LRP2: variants seen among roughly 807,000 people sequenced by gnomAD.
LRP2 encodes LDL receptor related protein 2.
Under a neutral mutation model 531.0 loss-of-function variants are expected in LRP2, and 172 were observed. The observed-to-expected ratio is 0.32, with a 90% CI of 0.29 to 0.37. The LOEUF is 0.37. Among genes scored for constraint, LRP2 ranks in the 10% least tolerant of loss-of-function variants. LRP2 has a pLI of 1.00. For synonymous variants in LRP2, 1,992 were observed against 2,027.6 expected (o/e 0.98, Z 0.47); for missense variants, 5,167 against 5,868.3 (o/e 0.88, Z 3.90).
At chr2:169,280,661 G>A in intron 10 of LRP2, 142 bp from the exon 11 acceptor site, 1 of 855,640 alleles carries the variant, frequency 1.2e-6, no homozygotes, top group Non-Finnish European at 1.9e-6. Context: ...CTCTGAGGCA[G>A]ACAGATAGCT....
In LRP2 at chr2:169,177,927, T is replaced by C; in HGVS notation, c.10269A>G (p.Thr3423=). The change falls in exon 53 of 79, where the codon ACA becomes ACG. Residue 3423 remains threonine (T), a synonymous_variant. Transcript: ENST00000649046. ...ITIFEDTIYW[T]DWNTRTVEKG... ...TTTCCACTGTCCTTGTATTCCAATC[T>C]GTCCAATAAATAGTGTCTTCAAAAA... 2.5e-6 allele frequency: 4 copies of C among 1,614,228 alleles called. No individual in the cohort carries two copies. The highest frequency in any genetic ancestry group is 3.4e-6 in the Non-Finnish European group (4 of 1,180,030).
chr2:169,131,254 A>AGTGTGTGT lies in LRP2; in HGVS notation c.13728+1312_13728+1319dup, dbSNP rs3835382. Among the ~76,000 whole-genome samples the AGTGTGTGT allele has an allele frequency of 8.7e-3, 1,296 of 148,638 alleles. 8 individuals are homozygous for AGTGTGTGT. The highest frequency in any genetic ancestry group is 0.015 in the Non-Finnish European group (1,016 of 66,984). On this transcript the variant is annotated intron_variant, in intron 77 of 78. Transcript: ENST00000649046. ...ATTTATGTATGTCTGTGAGTGTATGAGTGTGTGTGTGTGTGTGTGTGTGTG... is the reference window on the plus strand; with the variant it reads ...ATTTATGTATGTCTGTGAGTGTATGAGTGTGTGTGTGTGTGTGTGTGTGTGTGTGTGTG...
At chr2:169,164,788 A>G (rs1189086704) in intron 62 of LRP2, among the ~76,000 whole-genome samples, 1 of 152,210 alleles carries the variant, frequency 6.6e-6, no homozygotes, top group Non-Finnish European at 1.5e-5. Flanking sequence ...CTGTTCCTTG[A>G]AAAGAATAGA....
chr2:169,225,559 T>C, intron 32 of LRP2, 106 bp from the exon 33 acceptor site: 1 of 1,309,734 alleles, frequency 7.6e-7, no homozygotes, highest in Non-Finnish European at 1.1e-6. Context: ...TCTTGAACAG[T>C]CCTTACACTC....
At chr2:169,256,693 C>T (rs1690317548) in intron 18 of LRP2, among the ~76,000 whole-genome samples, 1 of 151,924 alleles carries the variant, frequency 6.6e-6, no homozygotes, top group South Asian at 2.1e-4. Flanking sequence ...TAAAGTCCTC[C>T]CAAAGTGCAT....
At chr2:169,326,944 C>T (rs1306627996) in intron 1 of LRP2, among the ~76,000 whole-genome samples, 5 of 151,120 alleles carry the variant, frequency 3.3e-5, no homozygotes, top group East Asian at 2.0e-4. Context: ...TCTGCCCAGC[C>T]GCCCCGTCTG....
intron 9 of LRP2, among the ~76,000 whole-genome samples, chr2:169,285,699 C>G (rs916050050): frequency 2.6e-5 from 4 of 152,120 alleles, no homozygotes; most frequent in Admixed American, 2.6e-4. Context: ...CACTCTGCAC[C>G]ACGATGTCAT....
intron 3 of LRP2, among the ~76,000 whole-genome samples, chr2:169,313,655 G>A (rs1439683789): frequency 6.6e-6 from 1 of 152,174 alleles, no homozygotes; most frequent in Non-Finnish European, 1.5e-5. Flanking sequence ...CTACTCGGGG[G>A]TCAGGGACCC....
intron 66 of LRP2, among the ~76,000 whole-genome samples, chr2:169,153,566 A>C (rs1406618438): frequency 6.6e-6 from 1 of 152,250 alleles, no homozygotes; most frequent in Non-Finnish European, 1.5e-5. Context: ...AGTTATTGAT[A>C]GTTTTCAAAG....
chr2:169,184,905 C>T (rs764201559), intron 50 of LRP2, among the ~76,000 whole-genome samples: 46 of 152,086 alleles, frequency 3.0e-4, no homozygotes, highest in Admixed American at 1.5e-3. Context: ...GGACTACAGA[C>T]GAACACCACC....
intron 60 of LRP2, among the ~76,000 whole-genome samples, chr2:169,168,894 G>C (rs114777048): frequency 3.3e-5 from 5 of 152,280 alleles, no homozygotes; most frequent in Non-Finnish European, 5.9e-5. Context: ...ATCATCCATG[G>C]CATGGACAGC....
intron 63 of LRP2, among the ~76,000 whole-genome samples, chr2:169,158,080 A>G (rs2105364406): frequency 6.6e-6 from 1 of 151,306 alleles, no homozygotes; most frequent in Admixed American, 6.6e-5. Flanking sequence ...ACACACACAC[A>G]CACACACACA....
chr2:169,175,116 G>A, intron 55 of LRP2, 77 bp downstream of exon 55: 3 of 1,446,088 alleles, frequency 2.1e-6, no homozygotes, highest in Non-Finnish European at 1.9e-6. Context: ...ATGATATTCA[G>A]GAAATACCCA....
chr2:169,158,216 G>A (rs1332822823), intron 63 of LRP2, among the ~76,000 whole-genome samples: 1 of 151,920 alleles, frequency 6.6e-6, no homozygotes, highest in Non-Finnish European at 1.5e-5. Context: ...TTTGTACTAT[G>A]TATGTATGCA....
Position 169,233,529 on chromosome 2 carries a change from A to G in LRP2, c.4980T>C (p.Arg1660=). Residue 1660 remains arginine (R), a synonymous_variant, in exon 30 of 79, where the codon CGT becomes CGC. Coordinates refer to ENST00000649046, the MANE Select transcript of LRP2 (RefSeq NM_004525.3). ...TGGCTCGCATAACCCGACGAGTAGC[A>G]CGGTCAGTCCAGTACACAGAGTCTT... ...LFEDSVYWTD[R]ATRRVMRANK... is the part of the protein sequence containing the mutation. The G allele has an allele frequency of 3.1e-6, 5 of 1,614,156 alleles. No homozygotes were observed. The highest frequency in any genetic ancestry group is 3.4e-6 in the Non-Finnish European group (4 of 1,180,034).
rs561682483 is a variant in LRP2, at chr2:169,139,400, C to T, written c.13268-29G>A. On this transcript the variant is annotated intron_variant, in intron 73 of 78. Transcript: ENST00000649046. ...TAGAAGAAGATAGCAGAGAGCACAT[C>T]AACACATGGGAGCCCGCAATCCTGG... The T allele has an allele frequency of 3.7e-5, 60 of 1,614,162 alleles. No homozygotes were observed. In the South Asian group the frequency reaches 6.6e-4, roughly 18 times the overall value.
At position 169,139,787 on chromosome 2, in the gene LRP2, G is replaced by A; in HGVS notation, c.13200-177C>T. ...CAAGAGAAGACAAGCAGAAAGAACA[G>A]TGCTCTGATTTTAGAAATGCACTTG... is the stretch of plus-strand genomic sequence containing the variant. On this transcript the variant is annotated intron_variant, in intron 72 of 78. Transcript: ENST00000649046. The A allele has an allele frequency of 1.2e-5, 8 of 693,174 alleles. No individual in the cohort carries two copies. In the South Asian group the frequency reaches 1.3e-4, roughly 11 times the overall value. 42.9% of individuals were successfully genotyped at this position (693,174 alleles called of 1,614,324 possible).
chr2:169,229,717 T>G (rs1689332746), intron 31 of LRP2, among the ~76,000 whole-genome samples: 1 of 152,250 alleles, frequency 6.6e-6, no homozygotes, highest in Non-Finnish European at 1.5e-5. Flanking sequence ...GTAACCACTA[T>G]TGGCACTTGT....
intron 1 of LRP2, among the ~76,000 whole-genome samples, chr2:169,331,820 A>T (rs1373927421): frequency 6.6e-6 from 1 of 152,228 alleles, no homozygotes; most frequent in African/African-American, 2.4e-5. Context: ...CCAGTCACCC[A>T]GAGAATTCCT....
Sources: allele counts gnomAD v4.1 joint callset (sites outside exome capture counted in the v4.1 genomes callset), GRCh38; gene constraint gnomAD v4.1.1; transcripts MANE v1.5; gene names NCBI Gene and HGNC (gene_info 2026-07-23, HGNC 2026-07-21).